Variants in NRG1 observed in about 807,000 individuals in gnomAD.
NRG1 encodes the protein pro-neuregulin-1, membrane-bound isoform.
Under a neutral mutation model 63.8 loss-of-function variants are expected in NRG1, and 18 were observed. That is an observed-to-expected ratio of 0.28 (90% CI 0.19 to 0.42). The LOEUF (loss-of-function observed/expected upper bound fraction) is 0.42, where lower values mean the gene tolerates loss of function less well. Ranked by LOEUF, NRG1 falls within the 10% of genes least tolerant of loss-of-function variation. The pLI is 1.00. For missense variants in NRG1, 762 were observed against 814.7 expected, an observed-to-expected ratio of 0.94 and a Z score of 0.79; for synonymous variants, 302 against 301.3, an observed-to-expected ratio of 1.00 and a Z score of -0.02.
chr8:32,095,189 C>T (rs190514304), intron 1 of NRG1, among the ~76,000 whole-genome samples: 214 of 152,252 alleles, frequency 1.4e-3, no homozygotes, highest in Non-Finnish European at 2.6e-3. Flanking sequence ...GGATTACAGG[C>T]GTGAGCCTCT....
intron 1 of NRG1, among the ~76,000 whole-genome samples, chr8:32,456,886 CT>C (rs939887557): frequency 6.6e-6 from 1 of 152,168 alleles, no homozygotes. Flanking sequence ...CATCCCAGCA[CT>C]TTGGGAGGCC....
chr8:32,634,946 T>C (rs1308857647), intron 5 of NRG1, among the ~76,000 whole-genome samples: 1 of 152,204 alleles, frequency 6.6e-6, no homozygotes, highest in Non-Finnish European at 1.5e-5. Context: ...ACTTTTTCCA[T>C]CTGTAAAATA....
intron 1 of NRG1, among the ~76,000 whole-genome samples, chr8:32,349,347 T>G (rs1232023241): frequency 3.9e-5 from 6 of 152,186 alleles, no homozygotes; most frequent in Non-Finnish European, 8.8e-5. Context: ...CACTTGTTTT[T>G]GAATTTTTTT....
chr8:31,733,132 G>T (rs1814274749), intron 1 of NRG1, among the ~76,000 whole-genome samples: 2 of 146,130 alleles, frequency 1.4e-5, no homozygotes, highest in Non-Finnish European at 3.0e-5. Flanking sequence ...TGCTGCAAAA[G>T]ACATGACTTT....
chr8:32,310,819 G>A (rs898316844), intron 1 of NRG1, among the ~76,000 whole-genome samples: 7 of 152,126 alleles, frequency 4.6e-5, no homozygotes, highest in African/African-American at 1.7e-4. Flanking sequence ...ATCTTCTTGA[G>A]CACTTCACTT....
At chr8:32,100,189 A>G (rs1407136382) in intron 1 of NRG1, among the ~76,000 whole-genome samples, 1 of 151,936 alleles carries the variant, frequency 6.6e-6, no homozygotes, top group Non-Finnish European at 1.5e-5. Flanking sequence ...AAAGTCTTAA[A>G]AAACAAAACA....
At chr8:32,317,043 A>G (rs1857482408) in intron 1 of NRG1, among the ~76,000 whole-genome samples, 1 of 152,182 alleles carries the variant, frequency 6.6e-6, no homozygotes, top group Non-Finnish European at 1.5e-5. Context: ...TTGTTTGTCC[A>G]AAGTAGTAAA....
intron 1 of NRG1, among the ~76,000 whole-genome samples, chr8:32,280,695 T>C (rs1199627869): frequency 8.3e-6 from 1 of 120,276 alleles, no homozygotes; most frequent in South Asian, 2.4e-4. Flanking sequence ...TTTTTTGTTT[T>C]TTTTTTTTTT....
At chr8:31,740,476 T>G (rs1210466798) in intron 1 of NRG1, among the ~76,000 whole-genome samples, 2 of 152,004 alleles carry the variant, frequency 1.3e-5, no homozygotes, top group Non-Finnish European at 2.9e-5. Flanking sequence ...TCAGTGATTT[T>G]TTTCTGTAAT....
At chr8:31,708,194 G>C (rs1811343114) in intron 1 of NRG1, among the ~76,000 whole-genome samples, 1 of 152,046 alleles carries the variant, frequency 6.6e-6, no homozygotes, top group Admixed American at 6.6e-5. Flanking sequence ...GTGTGCCCAT[G>C]TTCTTGCCAT....
intron 1 of NRG1, among the ~76,000 whole-genome samples, chr8:31,851,627 C>T (rs1255357030): frequency 2.0e-5 from 3 of 151,734 alleles, no homozygotes; most frequent in Non-Finnish European, 4.4e-5. Flanking sequence ...TATTATTATA[C>T]TTTAAGTTTT....
intron 1 of NRG1, among the ~76,000 whole-genome samples, chr8:32,102,863 GT>G (rs1226318807): frequency 6.6e-5 from 10 of 151,974 alleles, no homozygotes; most frequent in Non-Finnish European, 1.3e-4. Context: ...CAATTACAAT[GT>G]CTTGGTGGCT....
chr8:32,468,020 A>C (rs369397126), intron 1 of NRG1, among the ~76,000 whole-genome samples: 67 of 152,350 alleles, frequency 4.4e-4, no homozygotes, highest in African/African-American at 1.6e-3. Flanking sequence ...ACCTACGAGC[A>C]GGCGATAAAC....
intron 1 of NRG1, among the ~76,000 whole-genome samples, chr8:32,280,178 G>C (rs995006524): frequency 6.6e-6 from 1 of 152,242 alleles, no homozygotes; most frequent in Non-Finnish European, 1.5e-5. Flanking sequence ...GAATGTAAGT[G>C]TGAAGCTCGA....
chr8:32,345,016 A>G (rs757794406), intron 1 of NRG1, among the ~76,000 whole-genome samples: 31 of 152,120 alleles, frequency 2.0e-4, no homozygotes, highest in Non-Finnish European at 3.7e-4. Context: ...GTATTCTAGT[A>G]GCTATGCGTT....
At chr8:32,447,276 G>A (rs2129487845) in intron 1 of NRG1, among the ~76,000 whole-genome samples, 1 of 152,042 alleles carries the variant, frequency 6.6e-6, no homozygotes, top group South Asian at 2.1e-4. Context: ...ACCTGCATCG[G>A]CCTCCCAAAG....
chr8:32,297,818 T>TA (rs1358392396), intron 1 of NRG1, among the ~76,000 whole-genome samples: 8 of 152,340 alleles, frequency 5.3e-5, no homozygotes, highest in African/African-American at 1.9e-4. Flanking sequence ...TCTGTAAGGA[T>TA]AAGGCCTGGT....
chr8:32,380,345 G>A (rs939024642), intron 1 of NRG1, among the ~76,000 whole-genome samples: 5 of 151,874 alleles, frequency 3.3e-5, no homozygotes, highest in South Asian at 2.1e-4. Context: ...TTTGCTTAAC[G>A]AATAAATGTA....
chr8:32,458,167 C>T (rs34659744), intron 1 of NRG1, among the ~76,000 whole-genome samples: 27,118 of 152,070 alleles, frequency 0.18, 2,585 homozygotes, highest in African/African-American at 0.19. Flanking sequence ...CCTCCCGCCT[C>T]GGCCTCCCAA....
Sources: gnomAD v4.1 joint callset for allele counts (sites outside exome capture counted in the v4.1 genomes callset) on GRCh38, gnomAD v4.1.1 for gene constraint, MANE v1.5 for transcripts, NCBI Gene and HGNC (gene_info 2026-07-23, HGNC 2026-07-21) for gene names.